Variants in JPH3 observed in about 807,000 individuals in gnomAD.
JPH3 encodes the protein junctophilin 3, also known as junctophilin-3.
In JPH3, 11 loss-of-function variants were observed where a neutral mutation model predicts 59.6. The observed-to-expected ratio is 0.18, with a 90% confidence interval of 0.12 to 0.31. JPH3 has a LOEUF of 0.31. JPH3 is among the 10% of genes least tolerant of loss of function. The pLI is 1.00. For synonymous variants in JPH3, 673 were observed against 483.6 expected (o/e 1.39, Z -5.14); for missense variants, 1,202 against 1,105.7 (o/e 1.09, Z -1.24).
chr16:87,630,413 C>T (rs766361065), intron 1 of JPH3, among the ~76,000 whole-genome samples: 6 of 152,222 alleles, frequency 3.9e-5, no homozygotes, highest in Non-Finnish European at 7.3e-5. Context: ...GGGGAGATCA[C>T]GAACCTGCCC....
chr16:87,602,957 C>T lies in JPH3; in HGVS notation c.-190C>T, dbSNP rs2030308067. 1.7e-6 allele frequency: 1 copy of T among 596,110 alleles called. No individual in the cohort carries two copies. Among genetic ancestry groups the T allele is most frequent in the South Asian group, 2.1e-5 (1 of 47,946 alleles). 36.9% of individuals were successfully genotyped at this position (596,110 alleles called of 1,614,324 possible). On this transcript the variant is annotated 5_prime_UTR_variant, in exon 1 of 5. Transcript: ENST00000284262. The stretch of plus-strand genomic sequence containing the variant: ...GCGCAGCTCGAAAAGGAATAATCGC[C>T]CCCGATTGACTGAAATTCCTCCGGA...
At chr16:87,658,396 C>T (rs574019981) in intron 2 of JPH3, among the ~76,000 whole-genome samples, 34 of 145,566 alleles carry the variant, frequency 2.3e-4, no homozygotes, top group African/African-American at 7.8e-4. Context: ...TTCTCTTTTC[C>T]TCCCTCTCTG....
At chr16:87,614,392 G>C in intron 1 of JPH3, among the ~76,000 whole-genome samples, 1 of 149,386 alleles carries the variant, frequency 6.7e-6, no homozygotes, top group African/African-American at 2.5e-5. Context: ...AGGAGGAGCT[G>C]TGCGTCCCCT....
chr16:87,659,489 A>G (rs1406565076), intron 2 of JPH3, among the ~76,000 whole-genome samples: 2 of 151,778 alleles, frequency 1.3e-5, no homozygotes, highest in African/African-American at 4.8e-5. Context: ...TGGGAGGTTG[A>G]GGTGGGTGAA....
intron 2 of JPH3, among the ~76,000 whole-genome samples, chr16:87,649,726 T>C (rs1383128296): frequency 6.6e-6 from 1 of 152,134 alleles, no homozygotes; most frequent in Admixed American, 6.5e-5. Flanking sequence ...AGCCCGTTTC[T>C]CCTTCCCGTC....
At chr16:87,616,358 C>G (rs1161999699) in intron 1 of JPH3, among the ~76,000 whole-genome samples, 1 of 151,190 alleles carries the variant, frequency 6.6e-6, no homozygotes, top group East Asian at 1.9e-4. Context: ...CTCAGCCTCC[C>G]GAGTAGCTGG....
chr16:87,660,708 C>A (rs2032672471), intron 2 of JPH3, among the ~76,000 whole-genome samples: 1 of 152,206 alleles, frequency 6.6e-6, no homozygotes, highest in African/African-American at 2.4e-5. Flanking sequence ...CACAGATGGA[C>A]CCCCAATCAC....
chr16:87,638,417 C>A (rs1364219170), intron 1 of JPH3, among the ~76,000 whole-genome samples: 4 of 152,102 alleles, frequency 2.6e-5, no homozygotes, highest in African/African-American at 9.7e-5. Flanking sequence ...CTGTTCATGG[C>A]CGGAACGCCA....
rs1008438932 is a variant in JPH3 at position 87,689,968 on chromosome 16, C to T, written c.1608C>T (p.Ala536=). ...CARSSWGEEQ[A]GGSRGVRSGA... ...GCAGCAGCTGGGGCGAGGAGCAGGC[C>T]GGGGGCTCCAGGGGTGTCCGCAGCG... is the stretch of plus-strand genomic sequence containing the variant. The change falls in exon 4 of 5, where the codon GCC becomes GCT. Residue 536 remains alanine, a synonymous_variant. Coordinates refer to ENST00000284262, the MANE Select transcript of JPH3 (RefSeq NM_020655.4). 18 of 1,455,718 alleles carry T rather than the reference C, an allele frequency of 1.2e-5. No individual in the cohort carries two copies. The highest frequency in any genetic ancestry group is 8.6e-5 in the African/African-American group (6 of 69,954). The allele number at this position is 1,455,718 out of a possible 1,614,324, so 90.2% of individuals were successfully genotyped here. A position where few individuals can be genotyped will look rare whatever the true frequency, so the allele number is the denominator to read the frequency against.
intron 1 of JPH3, among the ~76,000 whole-genome samples, chr16:87,636,728 C>G (rs576964821): frequency 6.6e-6 from 1 of 152,354 alleles, no homozygotes; most frequent in African/African-American, 2.4e-5. Flanking sequence ...CAACACCGTG[C>G]AGTTGCAAAC....
chr16:87,635,053 C>G (rs2031690409), intron 1 of JPH3, among the ~76,000 whole-genome samples: 1 of 152,176 alleles, frequency 6.6e-6, no homozygotes, highest in African/African-American at 2.4e-5. Flanking sequence ...GACTCTGGGA[C>G]AGTAGTGGGA....
chr16:87,693,969 G>A (rs576236442), intron 4 of JPH3: 1 of 152,390 alleles, frequency 6.6e-6, no homozygotes, highest in South Asian at 2.1e-4. Context: ...GCCGTGTTGA[G>A]CCCACCGTGC....
chr16:87,630,885 AT>A (rs2031545042), intron 1 of JPH3, among the ~76,000 whole-genome samples: 1 of 152,078 alleles, frequency 6.6e-6, no homozygotes, highest in South Asian at 2.1e-4. Context: ...GCTATATTGC[AT>A]TTTTTGTTGT....
chr16:87,621,350 G>T (rs999520066), intron 1 of JPH3, among the ~76,000 whole-genome samples: 1 of 152,196 alleles, frequency 6.6e-6, no homozygotes, highest in Admixed American at 6.5e-5. Flanking sequence ...GGGGGAGGGG[G>T]TTCGGGACAG....
At chr16:87,653,370 G>T (rs1364965528) in intron 2 of JPH3, among the ~76,000 whole-genome samples, 5 of 152,154 alleles carry the variant, frequency 3.3e-5, no homozygotes, top group African/African-American at 4.8e-5. Flanking sequence ...TGGCTGCAGG[G>T]TTCTCCAGTG....
chr16:87,692,827 C>G (rs558722211), intron 4 of JPH3, among the ~76,000 whole-genome samples: 2 of 152,348 alleles, frequency 1.3e-5, no homozygotes, highest in African/African-American at 4.8e-5. Context: ...CAGCCACGCC[C>G]TCGCCCACAG....
rs879863609 is a variant in JPH3 at position 87,680,369 on chromosome 16, C to CGGTGTGCGCCCGGAAGGAAGT, written c.1161-3767_1161-3766insCGCCCGGAAGGAAGTGGTGTG. Among the ~76,000 whole-genome samples, 74 of 152,368 alleles carry CGGTGTGCGCCCGGAAGGAAGT rather than the reference C, an allele frequency of 4.9e-4. 1 individual carries two copies. The highest frequency in any genetic ancestry group is 1.7e-3 in the African/African-American group (72 of 41,586). On this transcript the variant is annotated intron_variant, in intron 2 of 4. Coordinates refer to ENST00000284262, the MANE Select transcript of JPH3 (RefSeq NM_020655.4). ...TGGAGGGGCTGCGCCCGGAAGGAAG[C>CGGTGTGCGCCCGGAAGGAAGT]GGTGTGGACCCAGAAGGAAGCGGAG...
intron 2 of JPH3, among the ~76,000 whole-genome samples, chr16:87,674,906 G>A (rs1277421838): frequency 2.0e-5 from 3 of 151,924 alleles, no homozygotes; most frequent in Non-Finnish European, 4.4e-5. Context: ...GACTACAGGC[G>A]CCTGCCACCA....
At chr16:87,696,509 G>A (rs2033863370) in intron 4 of JPH3, 71 bp from the exon 5 acceptor site, 2 of 1,265,818 alleles carry the variant, frequency 1.6e-6, no homozygotes, top group South Asian at 1.2e-5. Context: ...AAAGACGTGG[G>A]TGGGAGGCGT....
Sources: gnomAD v4.1 joint callset for allele counts (sites outside exome capture counted in the v4.1 genomes callset) on GRCh38, gnomAD v4.1.1 for gene constraint, MANE v1.5 for transcripts, NCBI Gene and HGNC (gene_info 2026-07-23, HGNC 2026-07-21) for gene names.